Variants in SKA2 observed in about 807,000 individuals in gnomAD.
SKA2 encodes spindle and kinetochore associated complex subunit 2.
A neutral mutation model predicts 16.9 loss-of-function variants in SKA2; 13 were observed. The observed-to-expected ratio is 0.77, with a 90% CI of 0.50 to 1.22. SKA2 has a LOEUF of 1.22. SKA2 is among the 50% of genes most tolerant of loss of function. The probability of loss-of-function intolerance (pLI) is 0.00; values close to 1 mark genes in which losing one functional copy is unlikely to be tolerated. For missense variants in SKA2, 107 were observed against 139.7 expected, an observed-to-expected ratio of 0.77 and a Z score of 1.18; for synonymous variants, 47 against 48.5, an observed-to-expected ratio of 0.97 and a Z score of 0.13.
At chr17:59,131,523 A>T (rs528605349) in intron 1 of SKA2, among the ~76,000 whole-genome samples, 156 bp from the exon 2 acceptor site, 4 of 152,340 alleles carry the variant, frequency 2.6e-5, no homozygotes, top group African/African-American at 4.8e-5. Flanking sequence ...AATATCCATT[A>T]TCCATAATAA....
intron 3 of SKA2, among the ~76,000 whole-genome samples, chr17:59,114,564 C>G (rs537534704): frequency 6.6e-6 from 1 of 152,222 alleles, no homozygotes; most frequent in Middle Eastern, 3.4e-3. Context: ...CTTCTGGGAC[C>G]ACTGTCATAT....
At chr17:59,115,556 A>G (rs2046290954) in intron 3 of SKA2, among the ~76,000 whole-genome samples, 1 of 152,082 alleles carries the variant, frequency 6.6e-6, no homozygotes. Flanking sequence ...TTCTACCTCA[A>G]AAAAAGGAAA....
intron 1 of SKA2, among the ~76,000 whole-genome samples, chr17:59,140,064 C>T (rs1046436536): frequency 6.6e-6 from 1 of 152,080 alleles, no homozygotes; most frequent in African/African-American, 2.4e-5. Flanking sequence ...TTGACTATTA[C>T]CCATTCTCTC....
chr17:59,154,448 ATG>A (rs1286371582), intron 1 of SKA2, among the ~76,000 whole-genome samples: 2 of 152,090 alleles, frequency 1.3e-5, no homozygotes, highest in Admixed American at 1.3e-4. Flanking sequence ...TCACAGATGA[ATG>A]AAAGTGCACA....
chr17:59,147,863 G>C (rs1568311799), intron 1 of SKA2, among the ~76,000 whole-genome samples: 1 of 150,704 alleles, frequency 6.6e-6, no homozygotes, highest in Admixed American at 6.6e-5. Flanking sequence ...TTTTATTTGA[G>C]ACAAAGTCTC....
chr17:59,115,831 T>C (rs1173136867), intron 3 of SKA2, among the ~76,000 whole-genome samples: 1 of 152,234 alleles, frequency 6.6e-6, no homozygotes, highest in Non-Finnish European at 1.5e-5. Context: ...TAATAAATTC[T>C]CAAAGAATTT....
chr17:59,144,104 C>T lies in SKA2; in HGVS notation c.33+11027G>A, dbSNP rs115402044. Among the ~76,000 whole-genome samples, 933 of 151,960 alleles carry T rather than the reference C, an allele frequency of 6.1e-3. 12 individuals are homozygous for T. The highest frequency in any genetic ancestry group is 0.022 in the African/African-American group (904 of 41,480). Reference sequence around the variant, plus strand: ...CCCAGAGGCCGAGGTTGCAATAAGCCGAGATCACGCCCCCAGAGGCCGAGG... The same window carrying T: ...CCCAGAGGCCGAGGTTGCAATAAGCTGAGATCACGCCCCCAGAGGCCGAGG... On this transcript the variant is annotated intron_variant, in intron 1 of 3. Transcript: ENST00000330137.
chr17:59,148,902 A>C (rs1326528641), intron 1 of SKA2, among the ~76,000 whole-genome samples: 4 of 152,060 alleles, frequency 2.6e-5, no homozygotes, highest in African/African-American at 4.8e-5. Flanking sequence ...TAAGCATATG[A>C]AAAAAGGTTT....
chr17:59,119,283 G>C, intron 3 of SKA2, 36 bp downstream of exon 3: 1 of 1,606,046 alleles, frequency 6.2e-7, no homozygotes, highest in African/African-American at 1.3e-5. Flanking sequence ...CAGAGCTAAA[G>C]CTAAACAAAT....
Position 59,119,431 on chromosome 17 carries a change from G to A in SKA2, c.185C>T (p.Ala62Val), listed in dbSNP as rs1239361343. Residue 62 changes from alanine to valine, a missense_variant, in exon 3 of 4, where the codon GCC (alanine) becomes GTC (valine). By Grantham distance (64) the Ala-to-Val change is moderately conservative. Coordinates refer to ENST00000330137, the MANE Select transcript of SKA2 (RefSeq NM_182620.4). The stretch of plus-strand genomic sequence containing the variant: ...CTCAACAGCAACTGGTTTAAAGCGG[G>A]CATACAAAGTTTGATATCGAGACTT... ...VIKSRYQTLY[A>V]RFKPVAVEQK... The A allele has an allele frequency of 4.3e-6, 7 of 1,613,850 alleles. No individual in the cohort carries two copies. Among genetic ancestry groups the A allele is most frequent in the Non-Finnish European group, 5.9e-6 (7 of 1,179,884 alleles).
Position 59,111,346 on chromosome 17 carries a change from A to G in SKA2, c.*931T>C, listed in dbSNP as rs909064102. The G allele has an allele frequency of 2.0e-5, 3 of 152,224 alleles. No homozygotes were observed. The highest frequency in any genetic ancestry group is 2.9e-5 in the Non-Finnish European group (2 of 68,040). 9.4% of individuals were successfully genotyped at this position (152,224 alleles called of 1,614,324 possible). A position where few individuals can be genotyped will look rare whatever the true frequency, so the allele number is the denominator to read the frequency against. ...TGATTTATTTTCCTATTCACCTAGT[A>G]CTAGCCAAATGTGTATGTATATTGC... On this transcript the variant is annotated 3_prime_UTR_variant, in exon 4 of 4. Coordinates refer to ENST00000330137, the MANE Select transcript of SKA2 (RefSeq NM_182620.4).
At chr17:59,128,592 C>G (rs2046387358) in intron 2 of SKA2, among the ~76,000 whole-genome samples, 1 of 150,232 alleles carries the variant, frequency 6.7e-6, no homozygotes, top group Non-Finnish European at 1.5e-5. Flanking sequence ...TGCCACTTCA[C>G]TCCAGCCTGG....
chr17:59,140,057 A>G (rs1312666245), intron 1 of SKA2, among the ~76,000 whole-genome samples: 1 of 152,122 alleles, frequency 6.6e-6, no homozygotes, highest in African/African-American at 2.4e-5. Context: ...GAAAGTATTG[A>G]CTATTACCCA....
intron 1 of SKA2, among the ~76,000 whole-genome samples, chr17:59,132,793 G>C (rs1354757410): frequency 2.0e-5 from 3 of 152,190 alleles, no homozygotes; most frequent in Non-Finnish European, 4.4e-5. Flanking sequence ...GTAATGAGCA[G>C]CTATTTAACC....
intron 1 of SKA2, among the ~76,000 whole-genome samples, chr17:59,135,372 A>G (rs1194280445): frequency 7.2e-6 from 1 of 138,548 alleles, no homozygotes; most frequent in East Asian, 2.2e-4. Context: ...GCTATAGTAT[A>G]GTGGTGCAAT....
At position 59,155,088 on chromosome 17, in the gene SKA2, G is replaced by C. The variant is rs199620882; in HGVS notation, c.33+43C>G. 3 of 1,613,962 alleles carry C rather than the reference G, an allele frequency of 1.9e-6. No homozygotes were observed. In the East Asian group the frequency reaches 6.7e-5, roughly 36 times the overall value. ...GTGCCCCACCTCCGAGGCCATGGGG[G>C]AAAAATAAACTACCCAGTAGATCTC... On this transcript the variant is annotated intron_variant, in intron 1 of 3. Coordinates refer to ENST00000330137, the MANE Select transcript of SKA2 (RefSeq NM_182620.4).
chr17:59,137,575 C>A (rs1476803006), intron 1 of SKA2, among the ~76,000 whole-genome samples: 1 of 152,144 alleles, frequency 6.6e-6, no homozygotes, highest in Non-Finnish European at 1.5e-5. Flanking sequence ...CTTTTCAATA[C>A]TAAAATTCCA....
intron 1 of SKA2, among the ~76,000 whole-genome samples, chr17:59,154,803 C>CT (rs2147826733): frequency 6.6e-6 from 1 of 152,228 alleles, no homozygotes; most frequent in South Asian, 2.1e-4. Flanking sequence ...CCATTCACAT[C>CT]TTTTTTGGTA....
intron 1 of SKA2, among the ~76,000 whole-genome samples, chr17:59,145,217 A>G (rs543984093): frequency 6.6e-6 from 1 of 152,226 alleles, no homozygotes; most frequent in East Asian, 1.9e-4. Flanking sequence ...ATTATGTTAC[A>G]TGTATTTTAA....
Sources: allele counts gnomAD v4.1 joint callset (sites outside exome capture counted in the v4.1 genomes callset), GRCh38; gene constraint gnomAD v4.1.1; transcripts MANE v1.5; gene names NCBI Gene and HGNC (gene_info 2026-07-23, HGNC 2026-07-21).